SAMD5: variants seen among roughly 807,000 people sequenced by gnomAD.
The protein encoded by SAMD5 is sterile alpha motif domain-containing protein 5.
In SAMD5, 13 loss-of-function variants were observed where a neutral mutation model predicts 11.3. The ratio of observed to expected loss-of-function variants is 1.15; its 90% CI spans 0.75 to 1.83. The LOEUF is 1.83. Among genes scored for constraint, SAMD5 ranks in the 40% most tolerant of loss-of-function variants. The pLI is 0.00. For synonymous variants in SAMD5, 129 were observed against 111.3 expected (o/e 1.16, Z -1.00); for missense variants, 255 against 239.1 (o/e 1.07, Z -0.44).
At chr6:147,867,375 G>A in the SAMD5 span, among the ~76,000 whole-genome samples, 44 of 149,616 alleles carry the variant, frequency 2.9e-4, no homozygotes, top group African/African-American at 9.9e-4. Context: ...AGATATCTTC[G>A]GACTTGGTGA....
At chr6:147,951,192 T>TCTC in the SAMD5 span, among the ~76,000 whole-genome samples, 1 of 147,586 alleles carries the variant, frequency 6.8e-6, no homozygotes, top group South Asian at 2.2e-4. Flanking sequence ...TTTCTTTCTT[T>TCTC]TTTTTTTTAT....
chr6:147,917,776 G>A, the SAMD5 span, among the ~76,000 whole-genome samples: 38 of 152,250 alleles, frequency 2.5e-4, no homozygotes, highest in African/African-American at 8.7e-4. Context: ...TTCTACATAT[G>A]GCTAGCCAGT....
chr6:147,509,374 C>T lies in SAMD5; in HGVS notation c.446C>T (p.Pro149Leu), dbSNP rs761242037. 2 of 1,556,700 alleles carry T rather than the reference C, an allele frequency of 1.3e-6. No individual in the cohort carries two copies. Among genetic ancestry groups the T allele is most frequent in the South Asian group, 1.2e-5 (1 of 83,472 alleles). ...GACGGCATCCACCTGAGCAAGCCCCCGTACTCCCGCAAGGTAAGGAGGTGC... is the reference window on the plus strand; with the variant it reads ...GACGGCATCCACCTGAGCAAGCCCCTGTACTCCCGCAAGGTAAGGAGGTGC... ...VRDGIHLSKP[P>L]YSRKVPMAGI... Residue 149 changes from proline to leucine, a missense_variant, in exon 1 of 2, where the codon CCG (proline) becomes CTG (leucine). Pro to Leu is a moderately conservative substitution (Grantham distance 98). Transcript: ENST00000367474.
At chr6:147,572,973 G>T (rs1312166453), downstream of SAMD5, among the ~76,000 whole-genome samples, 1 of 152,194 alleles carries the variant, frequency 6.6e-6, no homozygotes, top group African/African-American at 2.4e-5. Context: ...AAGTAGTTAA[G>T]AACAGTCCAG....
the SAMD5 span, among the ~76,000 whole-genome samples, chr6:147,909,568 CTT>C: frequency 4.6e-5 from 2 of 43,072 alleles, no homozygotes; most frequent in Non-Finnish European, 8.1e-5. Flanking sequence ...TTTTTTCTTT[CTT>C]TCTTTCTTTC....
the SAMD5 span, among the ~76,000 whole-genome samples, chr6:147,792,158 G>A: frequency 3.3e-5 from 5 of 152,308 alleles, no homozygotes; most frequent in Admixed American, 3.3e-4. Flanking sequence ...CGTTACTGAA[G>A]GGGGTGGGGA....
chr6:147,522,131 C>A (rs1788264145), intron 1 of SAMD5, among the ~76,000 whole-genome samples: 1 of 152,104 alleles, frequency 6.6e-6, no homozygotes, highest in East Asian at 1.9e-4. Flanking sequence ...TAAAATTACA[C>A]ACACATGATA....
At chr6:147,905,264 C>T in the SAMD5 span, among the ~76,000 whole-genome samples, 27 of 151,992 alleles carry the variant, frequency 1.8e-4, no homozygotes, top group Non-Finnish European at 3.2e-4. Context: ...GCTTAGCCTC[C>T]GCCTCCCTCC....
the SAMD5 span, among the ~76,000 whole-genome samples, chr6:147,862,861 G>T: frequency 1.3e-5 from 2 of 150,904 alleles, no homozygotes; most frequent in South Asian, 2.1e-4. Context: ...TAGAAAGGAG[G>T]TTTTTTTTTG....
the SAMD5 span, among the ~76,000 whole-genome samples, chr6:147,946,099 G>T: frequency 6.6e-6 from 1 of 151,518 alleles, no homozygotes; most frequent in Non-Finnish European, 1.5e-5. Context: ...ATCTCACTTT[G>T]CCTATACTCA....
At chr6:147,766,124 A>G in the SAMD5 span, among the ~76,000 whole-genome samples, 10 of 151,814 alleles carry the variant, frequency 6.6e-5, no homozygotes, top group Non-Finnish European at 1.5e-4. Context: ...AACACAAAAA[A>G]AGAATTGGGA....
chr6:147,790,785 TCTCTCTCTCTC>T, the SAMD5 span, among the ~76,000 whole-genome samples: 5,433 of 111,444 alleles, frequency 0.049, 132 homozygotes, highest in Non-Finnish European at 0.06. Flanking sequence ...TCTCTCTCTC[TCTCTCTCTCTC>T]TCTCTCTCTC....
At chr6:147,925,445 A>G in the SAMD5 span, among the ~76,000 whole-genome samples, 2 of 152,284 alleles carry the variant, frequency 1.3e-5, no homozygotes, top group Non-Finnish European at 2.9e-5. Flanking sequence ...TTCCTAAATA[A>G]GTAATAAACA....
At chr6:147,668,449 T>C (rs941020238) in intron 1 of SAMD5, among the ~76,000 whole-genome samples, 2 of 152,184 alleles carry the variant, frequency 1.3e-5, no homozygotes, top group African/African-American at 2.4e-5. Context: ...CATACGCAGG[T>C]GTAACTTGGA....
chr6:147,529,253 T>C (rs1394135684), intron 1 of SAMD5, among the ~76,000 whole-genome samples: 1 of 152,196 alleles, frequency 6.6e-6, no homozygotes, highest in African/African-American at 2.4e-5. Context: ...GTAAATCAAA[T>C]AAGTTTTCAT....
chr6:147,535,851 G>A (rs1027946625), intron 1 of SAMD5, among the ~76,000 whole-genome samples: 3 of 152,144 alleles, frequency 2.0e-5, no homozygotes, highest in African/African-American at 4.8e-5. Context: ...CACAGGTCAG[G>A]AACCTTGTAC....
At chr6:147,582,767 A>G (rs1789317666) in intron 1 of SAMD5, among the ~76,000 whole-genome samples, 1 of 152,160 alleles carries the variant, frequency 6.6e-6, no homozygotes, top group African/African-American at 2.4e-5. Flanking sequence ...AACTATAAAA[A>G]CGGTCCTGGA....
intron 1 of SAMD5, among the ~76,000 whole-genome samples, chr6:147,647,572 A>G (rs1438402977): frequency 1.3e-5 from 2 of 152,274 alleles, no homozygotes; most frequent in East Asian, 3.9e-4. Flanking sequence ...ATAGATGATT[A>G]TAAGTGGTAG....
intron 1 of SAMD5, among the ~76,000 whole-genome samples, chr6:147,555,691 A>C (rs935596070): frequency 6.6e-6 from 1 of 152,216 alleles, no homozygotes; most frequent in Non-Finnish European, 1.5e-5. Flanking sequence ...TGGGGGAAAA[A>C]GTCAATCAAA....
Sources: allele counts gnomAD v4.1 joint callset (sites outside exome capture counted in the v4.1 genomes callset), GRCh38; gene constraint gnomAD v4.1.1; transcripts MANE v1.5; gene names NCBI Gene and HGNC (gene_info 2026-07-23, HGNC 2026-07-21).